Variants in COPG2 observed in about 807,000 individuals in gnomAD.
COPG2 encodes the protein coat protein complex I subunit gamma 2, also known as coatomer subunit gamma-2.
COPG2 carries 37 observed loss-of-function variants against 46.3 expected under a neutral mutation model. That is an observed-to-expected ratio of 0.80 (90% CI 0.61 to 1.05). The LOEUF (loss-of-function observed/expected upper bound fraction) is 1.05. Ranked by LOEUF, COPG2 falls within the 50% of genes least tolerant of loss-of-function variation. The pLI is 0.00. For missense variants in COPG2, 427 were observed against 387.8 expected (o/e 1.10, Z -0.85); for synonymous variants, 159 against 129.7 (o/e 1.23, Z -1.53).
At chr7:130,608,039 T>G (rs1794771139) in intron 9 of COPG2, 1 of 339,156 alleles carries the variant, frequency 2.9e-6, no homozygotes, top group East Asian at 7.7e-5. Flanking sequence ...TACACCATTA[T>G]TGGAAGGAGG....
At chr7:130,629,003 C>T (rs1554454725) in intron 5 of COPG2, among the ~76,000 whole-genome samples, 3 of 152,168 alleles carry the variant, frequency 2.0e-5, no homozygotes, top group Admixed American at 6.5e-5. Flanking sequence ...CCAACCTGGA[C>T]AACAGAGCAA....
In COPG2 at chr7:130,513,304, AAAAAATATATATATATAT is replaced by A. The variant is rs1312214036; in HGVS notation, c.2150-4663_2150-4646del. Among the ~76,000 whole-genome samples, 296 of 48,438 alleles carry A rather than the reference AAAAAATATATATATATAT, an allele frequency of 6.1e-3. 5 individuals are homozygous for A. The highest frequency in any genetic ancestry group is 0.013 in the African/African-American group (173 of 12,876). 31.8% of individuals were successfully genotyped at this position (48,438 alleles called of 152,430 possible). A position where few individuals can be genotyped will look rare whatever the true frequency, so the allele number is the denominator to read the frequency against. On this transcript the variant is annotated intron_variant, in intron 20 of 23. Coordinates refer to ENST00000425248, the MANE Select transcript of COPG2 (RefSeq NM_012133.6). ...ATAATTCTGTCTAAAAAAAAAAAAAAAAAAATATATATATATATATATATATATATATATATATGTGTG... is the reference window on the plus strand; with the variant it reads ...ATAATTCTGTCTAAAAAAAAAAAAAAATATATATATATATATATATGTGTG...
At chr7:130,605,257 T>C in intron 9 of COPG2, 1 of 520,004 alleles carries the variant, frequency 1.9e-6, no homozygotes, top group African/African-American at 1.9e-5. Flanking sequence ...GTTAAGTCCA[T>C]TCAGCAAATT....
Position 130,662,978 on chromosome 7 carries a change from G to T in COPG2, c.232C>A (p.Gln78Lys). 1 of 1,545,434 alleles carries T rather than the reference G, an allele frequency of 6.5e-7. No homozygotes were observed. Among genetic ancestry groups the T allele is most frequent in the Non-Finnish European group, 8.7e-7 (1 of 1,144,208 alleles). Residue 78 changes from glutamine to lysine, a missense_variant, in exon 4 of 24, where the codon CAA becomes AAA. Transcript: ENST00000425248. ...TTAAAAAGACTTACATCATTAGATT[G>T]AAACAATCGCGTCATTGCAAAGAAG... ...EAFFAMTRLF[Q>K]SNDQTLRRMC...
intron 20 of COPG2, among the ~76,000 whole-genome samples, chr7:130,529,788 T>C (rs890227178): frequency 1.3e-5 from 2 of 152,064 alleles, no homozygotes; most frequent in Non-Finnish European, 2.9e-5. Context: ...AGATTGTAGG[T>C]AGAAGTGTGT....
chr7:130,591,707 C>T (rs1465333990), intron 9 of COPG2, among the ~76,000 whole-genome samples: 4 of 140,658 alleles, frequency 2.8e-5, no homozygotes, highest in South Asian at 4.6e-4. Context: ...CCCAGCCAGC[C>T]GCCCAGTCCG....
intron 9 of COPG2, among the ~76,000 whole-genome samples, chr7:130,591,875 C>T (rs570306603): frequency 1.6e-4 from 25 of 152,140 alleles, no homozygotes; most frequent in African/African-American, 5.8e-4. Flanking sequence ...CCCCTCTGCC[C>T]GGCCACCACC....
At chr7:130,545,811 T>C (rs1793433790) in intron 20 of COPG2, among the ~76,000 whole-genome samples, 1 of 152,158 alleles carries the variant, frequency 6.6e-6, no homozygotes, top group East Asian at 1.9e-4. Flanking sequence ...AACTCCTTAG[T>C]GAAGAGGGGC....
chr7:130,507,576 G>T, intron 22 of COPG2, 109 bp downstream of exon 22: 1 of 654,200 alleles, frequency 1.5e-6, no homozygotes, highest in Non-Finnish European at 2.8e-6. Context: ...TTAAGTAAGA[G>T]ATTTATGAAG....
At chr7:130,598,161 A>G (rs1384434569) in intron 9 of COPG2, among the ~76,000 whole-genome samples, 2 of 151,578 alleles carry the variant, frequency 1.3e-5, no homozygotes, top group Admixed American at 1.3e-4. Context: ...TTTTTTTTGT[A>G]TCCCTCTGCA....
chr7:130,649,731 G>A (rs1795699396), intron 5 of COPG2, among the ~76,000 whole-genome samples: 1 of 152,008 alleles, frequency 6.6e-6, no homozygotes, highest in African/African-American at 2.4e-5. Context: ...TATTTCTATT[G>A]TCATGGCAAT....
chr7:130,520,604 T>C (rs1799716010), intron 20 of COPG2, among the ~76,000 whole-genome samples: 1 of 152,238 alleles, frequency 6.6e-6, no homozygotes, highest in Non-Finnish European at 1.5e-5. Context: ...CCAAGCCTAC[T>C]TGAGATAGCA....
intron 2 of COPG2, 45 bp downstream of exon 2, chr7:130,667,437 A>T (rs1554461622): frequency 1.9e-6 from 3 of 1,548,558 alleles, no homozygotes; most frequent in Non-Finnish European, 2.7e-6. Context: ...CACCACTCTA[A>T]AACAGAATAG....
chr7:130,564,549 C>A (rs918772311), intron 9 of COPG2, 156 bp from the exon 10 acceptor site: 7 of 394,962 alleles, frequency 1.8e-5, no homozygotes, highest in Non-Finnish European at 3.1e-5. Context: ...AGAACACTGG[C>A]AAAATTGTCA....
At chr7:130,557,534 T>C (rs1030137295) in intron 12 of COPG2, among the ~76,000 whole-genome samples, 2 of 152,058 alleles carry the variant, frequency 1.3e-5, no homozygotes, top group African/African-American at 4.8e-5. Context: ...TGGCTGGGCA[T>C]GGTGGCTCAT....
chr7:130,509,609 C>T (rs1464118836), intron 20 of COPG2: 10 of 476,976 alleles, frequency 2.1e-5, no homozygotes, highest in South Asian at 1.2e-4. Flanking sequence ...ATTCATCCAT[C>T]CACACATGTA....
intron 5 of COPG2, among the ~76,000 whole-genome samples, chr7:130,627,811 G>C (rs1188425894): frequency 6.6e-6 from 1 of 151,812 alleles, no homozygotes. Context: ...GCGGTTCAGG[G>C]GAGGGATGAG....
At chr7:130,526,099 T>A (rs1200842060) in intron 20 of COPG2, among the ~76,000 whole-genome samples, 1 of 151,284 alleles carries the variant, frequency 6.6e-6, no homozygotes, top group Non-Finnish European at 1.5e-5. Context: ...GGACTGGCTG[T>A]GGAGTTTTGT....
Position 130,547,615 on chromosome 7 carries a change from A to G in COPG2, c.2149+59T>C, listed in dbSNP as rs940267590. 3.5e-5 allele frequency: 14 copies of G among 398,614 alleles called. No individual in the cohort carries two copies. In the East Asian group the frequency reaches 3.6e-4, roughly 10 times the overall value. The allele number at this position is 398,614 out of a possible 1,614,324, so 24.7% of individuals were successfully genotyped here. Reference sequence around the variant, plus strand: ...TTAAACTGAGCATTTGAAGAGTTGAAGAGCTCACAAGGAAATGCATTCTGA... The same window carrying G: ...TTAAACTGAGCATTTGAAGAGTTGAGGAGCTCACAAGGAAATGCATTCTGA... On this transcript the variant is annotated intron_variant, in intron 20 of 23. Coordinates refer to ENST00000425248, the MANE Select transcript of COPG2 (RefSeq NM_012133.6).
Sources: gnomAD v4.1 joint callset for allele counts (sites outside exome capture counted in the v4.1 genomes callset) on GRCh38, gnomAD v4.1.1 for gene constraint, MANE v1.5 for transcripts, NCBI Gene and HGNC (gene_info 2026-07-23, HGNC 2026-07-21) for gene names.